Variants in DST observed in about 807,000 individuals in gnomAD.
DST encodes bullous pemphigoid antigen.
Under a neutral mutation model 875.2 loss-of-function variants are expected in DST, and 253 were observed. The observed-to-expected ratio is 0.29, with a 90% CI of 0.26 to 0.32. The LOEUF (loss-of-function observed/expected upper bound fraction) is 0.32. Among genes scored for constraint, DST ranks in the 10% least tolerant of loss-of-function variants. The pLI, the probability that DST is intolerant of heterozygous loss-of-function variation, is 1.00. For missense variants in DST, 8,287 were observed against 9,111.6 expected (o/e 0.91, Z 3.68); for synonymous variants, 3,124 against 3,197.1 (o/e 0.98, Z 0.77).
chr6:56,937,208 TAA>T (rs1164873992), intron 2 of DST, among the ~76,000 whole-genome samples: 7 of 151,926 alleles, frequency 4.6e-5, no homozygotes, highest in African/African-American at 1.7e-4. Context: ...ACTTTGCACT[TAA>T]AAAGACACCA....
At chr6:56,794,941 G>T (rs1444719790) in intron 4 of DST, among the ~76,000 whole-genome samples, 13 of 152,086 alleles carry the variant, frequency 8.5e-5, no homozygotes. Flanking sequence ...TATGGTAAAG[G>T]CTAAGGTTGA....
At chr6:56,671,196 T>G (rs2099099486) in intron 9 of DST, among the ~76,000 whole-genome samples, 1 of 152,194 alleles carries the variant, frequency 6.6e-6, no homozygotes, top group South Asian at 2.1e-4. Flanking sequence ...TTAAAAGCAT[T>G]TATTCTCTTT....
rs755338488 is a variant in DST at position 56,526,428 on chromosome 6, C to T, written c.18062G>A (p.Arg6021Gln). ...KMVAEDNERY[R>Q]LVSDTITQKV... is the part of the protein sequence containing the mutation. Reference sequence around the variant, plus strand: ...CTGAGTGATGGTGTCGCTCACTAATCGGTAGCGCTCATTGTCCTCAGCTAC... The same window carrying T: ...CTGAGTGATGGTGTCGCTCACTAATTGGTAGCGCTCATTGTCCTCAGCTAC... Residue 6021 changes from arginine to glutamine, a missense_variant, in exon 69 of 104, where the codon CGA becomes CAA. Arg to Gln is a conservative substitution (Grantham distance 43). This residue lies in a region of DST where 777 missense variants were observed against 764.8 expected (regional missense o/e 1.02). Transcript: ENST00000680361. 7.4e-6 allele frequency: 12 copies of T among 1,613,742 alleles called. No homozygotes were observed. Among genetic ancestry groups the T allele is most frequent in the Admixed American group, 5.0e-5 (3 of 59,950 alleles).
In DST at chr6:56,762,598, G is replaced by A. The variant is rs971260923; in HGVS notation, c.626-27309C>T. ...ACAAGAATGCTATCATAACTCTTTT[G>A]TAGTCCCCTTCTTTCACTATCACAG... is the stretch of plus-strand genomic sequence containing the variant. On this transcript the variant is annotated intron_variant, in intron 4 of 103. Coordinates refer to ENST00000680361, the MANE Select transcript of DST (RefSeq NM_001374736.1). Among the ~76,000 whole-genome samples, 3 of 152,116 alleles carry A rather than the reference G, an allele frequency of 2.0e-5. No individual in the cohort carries two copies. In the East Asian group the frequency reaches 5.8e-4, roughly 29 times the overall value.
At chr6:56,527,137 T>C (rs1187638253) in intron 68 of DST, among the ~76,000 whole-genome samples, 2 of 152,174 alleles carry the variant, frequency 1.3e-5, no homozygotes, top group Non-Finnish European at 1.5e-5. Context: ...GTGATATAAT[T>C]AGAAAACCCA....
intron 69 of DST, among the ~76,000 whole-genome samples, 192 bp downstream of exon 69, chr6:56,526,169 T>G (rs1037238346): frequency 6.6e-6 from 1 of 152,232 alleles, no homozygotes; most frequent in African/African-American, 2.4e-5. Flanking sequence ...CTGTGAACAA[T>G]GTGCAGATTA....
At position 56,645,957 on chromosome 6, in the gene DST, C is replaced by T; in HGVS notation, c.1687G>A (p.Gly563Ser). The T allele has an allele frequency of 6.2e-7, 1 of 1,613,664 alleles. No individual in the cohort carries two copies. Among genetic ancestry groups the T allele is most frequent in the Non-Finnish European group, 8.5e-7 (1 of 1,179,764 alleles). Residue 563 changes from glycine (G) to serine (S), a missense_variant, in exon 15 of 104, where the codon GGT becomes AGT. Gly to Ser is a moderately conservative substitution (Grantham distance 56). Around this residue, in one of 10 missense-constraint regions of DST, gnomAD observed 1,160 missense variants for 1,424.3 expected, o/e 0.81. Coordinates refer to ENST00000680361, the MANE Select transcript of DST (RefSeq NM_001374736.1). Reference sequence around the variant, plus strand: ...TTTTCTATGTCATTTGGATGATAACCTTGAAGGAGCTTGATGCGTCCAAAT... The same window carrying T: ...TTTTCTATGTCATTTGGATGATAACTTTGAAGGAGCTTGATGCGTCCAAAT... ...IEFGRIKLLQ[G>S]YHPNDIEKEW... is the part of the protein sequence containing the mutation.
In DST at chr6:56,789,930, T is replaced by C. The variant is rs551361333; in HGVS notation, c.626-54641A>G. Among the ~76,000 whole-genome samples the C allele has an allele frequency of 8.5e-5, 13 of 152,324 alleles. No homozygotes were observed. In the South Asian group the frequency reaches 2.3e-3, roughly 27 times the overall value. The stretch of plus-strand genomic sequence containing the variant: ...CAATATCTGTGCTTATTTACAAATA[T>C]TCATACACAGCAGGAACTCTTCCTA... On this transcript the variant is annotated intron_variant, in intron 4 of 103. Transcript: ENST00000680361.
At chr6:56,468,512 G>A (rs559285528) in intron 98 of DST, among the ~76,000 whole-genome samples, 3 of 152,186 alleles carry the variant, frequency 2.0e-5, no homozygotes, top group Non-Finnish European at 4.4e-5. Flanking sequence ...TGTTACTTGT[G>A]GCTGAGTGCC....
chr6:56,579,034 G>T, intron 49 of DST, 97 bp from the exon 50 acceptor site: 2 of 1,138,054 alleles, frequency 1.8e-6, no homozygotes, highest in Non-Finnish European at 2.4e-6. Context: ...AGTAAAATTG[G>T]ACAGAATAAA....
chr6:56,878,971 T>C (rs1240944289), intron 3 of DST, among the ~76,000 whole-genome samples: 1 of 152,184 alleles, frequency 6.6e-6, no homozygotes, highest in Non-Finnish European at 1.5e-5. Context: ...GAATCACCAG[T>C]AAAGTTGTGG....
rs745694401 is a variant in DST at position 56,482,728 on chromosome 6, T to G, written c.21357A>C (p.Ala7119=). 3 of 1,613,870 alleles carry G rather than the reference T, an allele frequency of 1.9e-6. No homozygotes were observed. The highest frequency in any genetic ancestry group is 3.3e-5 in the Admixed American group (2 of 60,016). The change falls in exon 89 of 104, where the codon GCA becomes GCC. Residue 7119 remains alanine, a synonymous_variant. Coordinates refer to ENST00000680361, the MANE Select transcript of DST (RefSeq NM_001374736.1). ...ACCGTGTTTGCTTTGATATAGAAAG[T>G]GCACACACGGTCTCCCAGCGTGTGC... The part of the protein sequence containing the change: ...ELSTRWETVC[A]LSISKQTRLE...
chr6:56,851,831 G>C, intron 3 of DST: 1 of 1,551,634 alleles, frequency 6.4e-7, no homozygotes, highest in Non-Finnish European at 8.7e-7. Flanking sequence ...ACAATACACA[G>C]GCAGTTTCAA....
chr6:56,617,241 C>G (rs1343925794), intron 36 of DST: 2 of 1,607,830 alleles, frequency 1.2e-6, no homozygotes, highest in Non-Finnish European at 1.7e-6. Flanking sequence ...GCATGATCAC[C>G]ATCAAAGTTC....
At chr6:56,710,019 A>G (rs2099356809) in intron 5 of DST, among the ~76,000 whole-genome samples, 1 of 152,212 alleles carries the variant, frequency 6.6e-6, no homozygotes, top group Non-Finnish European at 1.5e-5. Flanking sequence ...ATCCCAGGTT[A>G]AGAAGCTTGA....
chr6:56,573,396 C>T (rs145210176), intron 51 of DST, among the ~76,000 whole-genome samples: 2 of 152,316 alleles, frequency 1.3e-5, no homozygotes, highest in Admixed American at 1.3e-4. Flanking sequence ...ACCTCATGTG[C>T]AGCTGGCTGA....
At chr6:56,807,786 T>C (rs1434082124) in intron 4 of DST, among the ~76,000 whole-genome samples, 1 of 152,112 alleles carries the variant, frequency 6.6e-6, no homozygotes, top group East Asian at 1.9e-4. Context: ...TAGAAAAAAA[T>C]GTAGCTGCAT....
chr6:56,539,469 A>C (rs1290835024), intron 61 of DST, among the ~76,000 whole-genome samples: 2 of 152,222 alleles, frequency 1.3e-5, no homozygotes, highest in African/African-American at 4.8e-5. Context: ...ATATTGTCTA[A>C]GTTCCTTATC....
chr6:56,917,117 C>A (rs1013903659), intron 2 of DST, among the ~76,000 whole-genome samples: 1 of 152,016 alleles, frequency 6.6e-6, no homozygotes, highest in Non-Finnish European at 1.5e-5. Context: ...ACTGACCACT[C>A]CTGCCCACTG....
Sources: gnomAD v4.1 joint callset for allele counts (sites outside exome capture counted in the v4.1 genomes callset) on GRCh38, gnomAD v4.1.1 for gene constraint, gnomAD v4.1.1 regional missense constraint, MANE v1.5 for transcripts, NCBI Gene and HGNC (gene_info 2026-07-23, HGNC 2026-07-21) for gene names.